The following GON4L variants were observed in gnomAD, a reference collection of about 807,000 sequenced individuals.
GON4L encodes GON-4-like protein.
A neutral mutation model predicts 211.8 loss-of-function variants in GON4L; 87 were observed. The observed-to-expected ratio is 0.41, with a 90% CI of 0.35 to 0.49. The LOEUF (loss-of-function observed/expected upper bound fraction) is 0.49, where lower values mean the gene tolerates loss of function less well. Among genes scored for constraint, GON4L ranks in the 20% least tolerant of loss-of-function variants. The probability of loss-of-function intolerance (pLI) is 0.15; values close to 1 mark genes in which losing one functional copy is unlikely to be tolerated. For missense variants in GON4L, 2,155 were observed against 2,659.5 expected (o/e 0.81, Z 4.17); for synonymous variants, 875 against 962.6 (o/e 0.91, Z 1.68).
intron 11 of GON4L, among the ~76,000 whole-genome samples, chr1:155,796,923 A>T (rs1168706199): frequency 6.6e-6 from 1 of 152,194 alleles, no homozygotes; most frequent in East Asian, 1.9e-4. Flanking sequence ...TAATGGAAAA[A>T]TATATGTTAT....
intron 2 of GON4L, among the ~76,000 whole-genome samples, chr1:155,846,809 C>G (rs1437297912): frequency 2.0e-5 from 3 of 151,644 alleles, no homozygotes; most frequent in African/African-American, 7.3e-5. Context: ...GTCAGGAGTT[C>G]GAGACAGCCT....
At chr1:155,846,392 G>A (rs1342961262) in intron 2 of GON4L, among the ~76,000 whole-genome samples, 7 of 151,490 alleles carry the variant, frequency 4.6e-5, no homozygotes, top group Non-Finnish European at 7.4e-5. Context: ...GTGTGGTGGC[G>A]GGCACCTGTA....
intron 10 of GON4L, among the ~76,000 whole-genome samples, chr1:155,811,434 G>C (rs1667761807): frequency 6.9e-6 from 1 of 144,956 alleles, no homozygotes; most frequent in Admixed American, 6.9e-5. Context: ...ATAATCAATG[G>C]ATGCTAATAT....
intron 12 of GON4L, among the ~76,000 whole-genome samples, chr1:155,792,595 CG>C (rs1311081135): frequency 6.6e-6 from 1 of 152,104 alleles, no homozygotes; most frequent in Non-Finnish European, 1.5e-5. Context: ...TCAATCCTAA[CG>C]AAGGAGGATC....
downstream of GON4L, chr1:155,747,090 T>C (rs1660267788): frequency 6.2e-7 from 1 of 1,606,340 alleles, no homozygotes; most frequent in East Asian, 2.2e-5. Flanking sequence ...GCCTCTAAAC[T>C]GCCTGGAACT....
chr1:155,797,414 C>T (rs891182044), intron 11 of GON4L, among the ~76,000 whole-genome samples: 3 of 151,754 alleles, frequency 2.0e-5, no homozygotes, highest in Non-Finnish European at 2.9e-5. Context: ...CAGAGTCTGG[C>T]GCCTCTTCCA....
At chr1:155,816,106 A>G in intron 7 of GON4L, 106 bp downstream of exon 7, 1 of 715,818 alleles carries the variant, frequency 1.4e-6, no homozygotes, top group Non-Finnish European at 2.5e-6. Context: ...ACAAAGCTGG[A>G]ATTAAAACAA....
intron 31 of GON4L, 82 bp from the exon 32 acceptor site, chr1:155,750,815 G>T: frequency 7.5e-7 from 1 of 1,336,896 alleles, no homozygotes; most frequent in Non-Finnish European, 1.0e-6. Context: ...TGAGACTGGA[G>T]TGCAGTGGCA....
intron 10 of GON4L, among the ~76,000 whole-genome samples, chr1:155,812,225 G>A (rs1299988851): frequency 6.6e-6 from 1 of 152,088 alleles, no homozygotes; most frequent in Admixed American, 6.6e-5. Context: ...ATGATGCAAT[G>A]AGAAACACAC....
intron 9 of GON4L, 35 bp downstream of exon 9, chr1:155,814,295 A>G (rs367657470): frequency 6.4e-7 from 1 of 1,569,042 alleles, no homozygotes; most frequent in Non-Finnish European, 8.8e-7. Flanking sequence ...TTAGACAGTT[A>G]TGTCTAACAT....
chr1:155,788,791 T>C (rs79966262), intron 12 of GON4L, among the ~76,000 whole-genome samples: 1,953 of 151,892 alleles, frequency 0.013, 18 homozygotes, highest in Non-Finnish European at 0.022. Context: ...AAACATAACC[T>C]GTGATTAAGA....
chr1:155,764,095 C>T (rs1443164424), intron 21 of GON4L, among the ~76,000 whole-genome samples: 2 of 151,788 alleles, frequency 1.3e-5, no homozygotes, highest in Non-Finnish European at 1.5e-5. Context: ...AGCTGACATT[C>T]GGCCTGACAG....
chr1:155,757,321 G>A lies in GON4L; in HGVS notation c.5256C>T (p.Leu1752=). The A allele has an allele frequency of 6.2e-7, 1 of 1,613,278 alleles. No homozygotes were observed. The highest frequency in any genetic ancestry group is 8.5e-7 in the Non-Finnish European group (1 of 1,179,694). The change falls in exon 26 of 32, where the codon CTC becomes CTT. Residue 1752 remains leucine, a splice_region_variant and synonymous_variant. Coordinates refer to ENST00000368331, the MANE Select transcript of GON4L (RefSeq NM_001282860.2). The part of the protein sequence containing the change: ...ADCLPQEITE[L]KTQMWQLLKG... ...TGAGGAGCTGCCACATCTGTGTCTTGAGCTGAGGAGAGTCACAGAGGGAAA... is the reference window on the plus strand; with the variant it reads ...TGAGGAGCTGCCACATCTGTGTCTTAAGCTGAGGAGAGTCACAGAGGGAAA...
At chr1:155,771,369 G>A (rs113280801) in intron 18 of GON4L, 152 bp from the exon 19 acceptor site, 11 of 921,830 alleles carry the variant, frequency 1.2e-5, no homozygotes, top group East Asian at 8.0e-5. Context: ...TGGCACCATC[G>A]CAGCTCACTG....
chr1:155,749,320 A>T, downstream of GON4L: 1 of 1,608,516 alleles, frequency 6.2e-7, no homozygotes, highest in Non-Finnish European at 8.5e-7. Flanking sequence ...TGGCTTTGTT[A>T]TGGCAGCCAG....
At chr1:155,748,501 G>A (rs1660343091), downstream of GON4L, 19 of 1,613,620 alleles carry the variant, frequency 1.2e-5, no homozygotes, top group Non-Finnish European at 1.6e-5. Context: ...TGGTTCATCT[G>A]GCTGACATGC....
In GON4L at chr1:155,802,042, T is replaced by C. The variant is rs558145224; in HGVS notation, c.1645+2907A>G. Among the ~76,000 whole-genome samples, 6 of 152,320 alleles carry C rather than the reference T, an allele frequency of 3.9e-5. No individual in the cohort carries two copies. In the South Asian group the frequency reaches 1.2e-3, roughly 32 times the overall value. Reference sequence around the variant, plus strand: ...TTTTCTAAATGTTTGAGAAAAGTCTTAAATTTAAATTTAGGACTAAAATTT... The same window carrying C: ...TTTTCTAAATGTTTGAGAAAAGTCTCAAATTTAAATTTAGGACTAAAATTT... On this transcript the variant is annotated intron_variant, in intron 11 of 31. Coordinates refer to ENST00000368331, the MANE Select transcript of GON4L (RefSeq NM_001282860.2).
In GON4L at chr1:155,773,119, G is replaced by A. The variant is rs771490713; in HGVS notation, c.2442C>T (p.Ser814=). Residue 814 remains serine, a synonymous_variant, in exon 18 of 32, where the codon TCC becomes TCT. Coordinates refer to ENST00000368331, the MANE Select transcript of GON4L (RefSeq NM_001282860.2). ...FMYPELLPVC[S]LKAKNPQDKI... The stretch of plus-strand genomic sequence containing the variant: ...TATCCTGGGGATTCTTTGCCTTCAG[G>A]GAACACACTGGAAGTAACTCTGGAT... 8.1e-6 allele frequency: 13 copies of A among 1,613,022 alleles called. No individual in the cohort carries two copies. The highest frequency in any genetic ancestry group is 1.1e-5 in the Non-Finnish European group (13 of 1,179,932).
intron 14 of GON4L, among the ~76,000 whole-genome samples, chr1:155,778,667 A>G (rs1664082686): frequency 6.6e-6 from 1 of 152,134 alleles, no homozygotes; most frequent in South Asian, 2.1e-4. Flanking sequence ...CTTGGTATTA[A>G]GTGCAGCTGC....
Sources: allele counts gnomAD v4.1 joint callset (sites outside exome capture counted in the v4.1 genomes callset), GRCh38; gene constraint gnomAD v4.1.1; transcripts MANE v1.5; gene names NCBI Gene and HGNC (gene_info 2026-07-23, HGNC 2026-07-21).